The following GRXCR2 variants were observed in gnomAD, a reference collection of about 807,000 sequenced individuals.
GRXCR2 encodes glutaredoxin domain-containing cysteine-rich protein 2.
Under a neutral mutation model 24.8 loss-of-function variants are expected in GRXCR2, and 23 were observed. The observed-to-expected ratio is 0.93, with a 90% CI of 0.67 to 1.32. The LOEUF (loss-of-function observed/expected upper bound fraction) is 1.32. GRXCR2 is among the 40% of genes most tolerant of loss of function. GRXCR2 has a pLI of 0.00. For synonymous variants in GRXCR2, 130 were observed against 116.1 expected, an observed-to-expected ratio of 1.12 and a Z score of -0.77; for missense variants, 315 against 303.4, an observed-to-expected ratio of 1.04 and a Z score of -0.28.
intron 2 of GRXCR2, among the ~76,000 whole-genome samples, chr5:145,923,023 C>CTTTTG (rs1757347011): frequency 6.6e-6 from 1 of 152,226 alleles, no homozygotes; most frequent in South Asian, 2.1e-4. Flanking sequence ...ATCACCACAT[C>CTTTTG]AGTGCCACCC....
chr5:145,901,573 TA>T (rs138733055), intron 2 of GRXCR2, among the ~76,000 whole-genome samples: 4,445 of 152,168 alleles, frequency 0.029, 96 homozygotes, highest in South Asian at 0.068. Flanking sequence ...ATATGTTAAA[TA>T]AATCATAAAA....
At chr5:145,864,653 G>A (rs1581329371) in intron 2 of GRXCR2, among the ~76,000 whole-genome samples, 1 of 152,078 alleles carries the variant, frequency 6.6e-6, no homozygotes, top group Admixed American at 6.6e-5. Flanking sequence ...CTGCTGCCAT[G>A]TAAGATGTGC....
At chr5:145,885,680 A>T (rs1756770635) in intron 2 of GRXCR2, among the ~76,000 whole-genome samples, 1 of 152,222 alleles carries the variant, frequency 6.6e-6, no homozygotes, top group African/African-American at 2.4e-5. Flanking sequence ...ATACTTTGTC[A>T]ATCTCCACTG....
Position 145,872,825 on chromosome 5 carries a change from T to C in GRXCR2, c.144A>G (p.Glu48=), listed in dbSNP as rs144585004. ...DGQELESPKE[E]YPHSFLQESL... ...ACTCTTGCAGAAAACTGTGAGGGTATTCCTCCTTTGGTGACTCTAATTCCT... is the reference window on the plus strand; with the variant it reads ...ACTCTTGCAGAAAACTGTGAGGGTACTCCTCCTTTGGTGACTCTAATTCCT... The change falls in exon 1 of 3, where the codon GAA becomes GAG. Residue 48 remains glutamate (E), a synonymous_variant. Coordinates refer to ENST00000377976, the MANE Select transcript of GRXCR2 (RefSeq NM_001080516.2). The C allele has an allele frequency of 9.9e-5, 159 of 1,614,068 alleles. No homozygotes were observed. The highest frequency in any genetic ancestry group is 4.9e-4 in the Middle Eastern group (3 of 6,084).
chr5:145,871,987 G>A (rs922630974), intron 1 of GRXCR2, among the ~76,000 whole-genome samples: 47 of 152,088 alleles, frequency 3.1e-4, no homozygotes, highest in African/African-American at 1.1e-3. Context: ...ATTATCCATG[G>A]TACTGGGAAG....
At chr5:145,895,576 G>T (rs1450182787) in intron 2 of GRXCR2, among the ~76,000 whole-genome samples, 1 of 152,130 alleles carries the variant, frequency 6.6e-6, no homozygotes, top group Non-Finnish European at 1.5e-5. Context: ...ACTCACAAGG[G>T]ATGTGAAGGA....
chr5:145,895,686 C>T (rs1457475174), intron 2 of GRXCR2, among the ~76,000 whole-genome samples: 2 of 152,252 alleles, frequency 1.3e-5, no homozygotes, highest in South Asian at 4.1e-4. Context: ...GAATCAGTAT[C>T]GTGAAAATGG....
Position 145,869,846 on chromosome 5 carries a change from C to T in GRXCR2, c.336+2787G>A, listed in dbSNP as rs56105479. 8.3e-3 allele frequency among the ~76,000 whole-genome samples: 1,270 copies of T among 152,146 alleles called. 10 individuals are homozygous for T. The highest frequency in any genetic ancestry group is 0.012 in the Non-Finnish European group (797 of 67,996). ...TGCTGGGATTACAGGTGTGGGCCAC[C>T]GTGCCTGGCCTGAGCTTCTTATGTG... is the stretch of plus-strand genomic sequence containing the variant. On this transcript the variant is annotated intron_variant, in intron 1 of 2. Transcript: ENST00000377976.
chr5:145,922,414 T>C (rs1757334959), intron 2 of GRXCR2, among the ~76,000 whole-genome samples: 1 of 152,190 alleles, frequency 6.6e-6, no homozygotes, highest in African/African-American at 2.4e-5. Flanking sequence ...CAAGGCACCA[T>C]GTGCTGACCG....
chr5:145,890,233 G>A (rs943022295), intron 2 of GRXCR2, among the ~76,000 whole-genome samples: 6 of 152,116 alleles, frequency 3.9e-5, no homozygotes, highest in Non-Finnish European at 5.9e-5. Flanking sequence ...GGGATTACAG[G>A]CATGTGCCAC....
chr5:145,896,084 GA>G lies in GRXCR2; in HGVS notation c.-69-29357del, dbSNP rs1287024869. Among the ~76,000 whole-genome samples the G allele has an allele frequency of 3.3e-5, 5 of 152,128 alleles. No individual in the cohort carries two copies. In the South Asian group the frequency reaches 1.0e-3, roughly 32 times the overall value. On this transcript the variant is annotated intron_variant, in intron 2 of 3. Transcript: ENST00000639411. ...TGGGAAAACTGGCTAGCCATATGTA[GA>G]AAGCTGAAACTGGATCCCTTCCTTA...
chr5:145,902,720 C>T (rs952453528), intron 2 of GRXCR2, among the ~76,000 whole-genome samples: 11 of 152,196 alleles, frequency 7.2e-5, no homozygotes, highest in African/African-American at 2.4e-4. Flanking sequence ...TTACACTGTG[C>T]ATTACAAAAT....
At chr5:145,900,685 T>C (rs1245018550) in intron 2 of GRXCR2, among the ~76,000 whole-genome samples, 3 of 152,206 alleles carry the variant, frequency 2.0e-5, no homozygotes, top group Admixed American at 1.3e-4. Flanking sequence ...TTATACACTG[T>C]TGGTGGGAAT....
chr5:145,873,492 T>C (rs1003277119), upstream of GRXCR2, among the ~76,000 whole-genome samples: 1 of 152,224 alleles, frequency 6.6e-6, no homozygotes, highest in African/African-American at 2.4e-5. Context: ...GAGCCACTTG[T>C]CATTTATCTT....
rs141618183 is a variant in GRXCR2, at chr5:145,872,885, G to T, written c.84C>A (p.Ser28Arg). Residue 28 changes from serine to arginine, a missense_variant, in exon 1 of 3, where the codon AGC (serine) becomes AGA (arginine). Transcript: ENST00000377976. ...CAAAGACCTGCTTCAATACTCGACC[G>T]CTGTAGGAGGAGGAGATTTTAAATC... Reference protein sequence around the residue: ...KVRFKISSSYSGRVLKQVFED... With the variant: ...KVRFKISSSYRGRVLKQVFED... The T allele has an allele frequency of 6.2e-7, 1 of 1,614,066 alleles. No homozygotes were observed. The highest frequency in any genetic ancestry group is 1.3e-5 in the African/African-American group (1 of 75,034).
chr5:145,871,209 T>C (rs1454173896), intron 1 of GRXCR2, among the ~76,000 whole-genome samples: 1 of 152,182 alleles, frequency 6.6e-6, no homozygotes, highest in Non-Finnish European at 1.5e-5. Context: ...ATTCTAAATC[T>C]ACAAATAAGA....
chr5:145,875,109 T>C (rs1442469719), upstream of GRXCR2, among the ~76,000 whole-genome samples: 2 of 152,218 alleles, frequency 1.3e-5, no homozygotes, highest in Non-Finnish European at 2.9e-5. Flanking sequence ...CAGTCAGAAG[T>C]TGTCCTTACT....
chr5:145,913,365 CT>C (rs1331248302), intron 2 of GRXCR2, among the ~76,000 whole-genome samples: 3 of 151,938 alleles, frequency 2.0e-5, no homozygotes, highest in African/African-American at 7.3e-5. Flanking sequence ...ACTAAAAGTC[CT>C]GATAGATAAG....
chr5:145,896,535 C>T (rs183070368), intron 2 of GRXCR2, among the ~76,000 whole-genome samples: 9 of 152,308 alleles, frequency 5.9e-5, no homozygotes, highest in African/African-American at 2.2e-4. Flanking sequence ...TGAAAAAATG[C>T]TCATCATCAC....
Sources: allele counts gnomAD v4.1 joint callset (sites outside exome capture counted in the v4.1 genomes callset), GRCh38; gene constraint gnomAD v4.1.1; transcripts MANE v1.5; gene names NCBI Gene and HGNC (gene_info 2026-07-23, HGNC 2026-07-21).